The following SLC24A3 variants were observed in gnomAD, a reference collection of about 807,000 sequenced individuals.
The protein encoded by SLC24A3 is solute carrier family 24 member 3, also known as sodium/potassium/calcium exchanger 3.
A neutral mutation model predicts 75.8 loss-of-function variants in SLC24A3; 28 were observed. The ratio of observed to expected loss-of-function variants is 0.37; its 90% CI spans 0.27 to 0.51. The LOEUF is 0.51. SLC24A3 is among the 20% of genes least tolerant of loss of function. The pLI, the probability that SLC24A3 is intolerant of heterozygous loss-of-function variation, is 0.94. For missense variants in SLC24A3, 663 were observed against 847.8 expected (o/e 0.78, Z 2.71); for synonymous variants, 372 against 334.1 (o/e 1.11, Z -1.24).
intron 6 of SLC24A3, among the ~76,000 whole-genome samples, chr20:19,607,172 T>A (rs4239731): frequency 0.92 from 140,260 of 152,130 alleles, 65,303 homozygotes; most frequent in Non-Finnish European, 0.98. Flanking sequence ...CTCCCCATAG[T>A]TCTTTTTCCT....
At chr20:19,465,781 A>G (rs1280290580) in intron 2 of SLC24A3, among the ~76,000 whole-genome samples, 1 of 152,188 alleles carries the variant, frequency 6.6e-6, no homozygotes, top group African/African-American at 2.4e-5. Context: ...ATAGAATCTC[A>G]CGCTACTTTC....
intron 6 of SLC24A3, among the ~76,000 whole-genome samples, chr20:19,598,002 G>A (rs1416121450): frequency 6.6e-6 from 1 of 152,124 alleles, no homozygotes; most frequent in East Asian, 1.9e-4. Flanking sequence ...CTATACCTTT[G>A]CTATTGTGAA....
chr20:19,365,822 T>C (rs1985880198), intron 2 of SLC24A3, among the ~76,000 whole-genome samples: 2 of 152,214 alleles, frequency 1.3e-5, no homozygotes, highest in South Asian at 4.1e-4. Flanking sequence ...ACTTTCTGGT[T>C]CAGGACACTG....
chr20:19,322,344 G>A lies in SLC24A3; in HGVS notation c.271+41257G>A, dbSNP rs989077198. Among the ~76,000 whole-genome samples the A allele has an allele frequency of 2.9e-5, 3 of 103,024 alleles. No homozygotes were observed. In the East Asian group the frequency reaches 7.9e-4, roughly 27 times the overall value. The allele number at this position is 103,024 out of a possible 152,430, so 67.6% of individuals were successfully genotyped here. A position where few individuals can be genotyped will look rare whatever the true frequency, so the allele number is the denominator to read the frequency against. ...GTATCATTATGGATTCATGGATTGA[G>A]CCTTCTTTCCTTCCTTCCTTCCCTT... On this transcript the variant is annotated intron_variant, in intron 2 of 16. Transcript: ENST00000328041.
chr20:19,552,716 C>A (rs1422728860), intron 3 of SLC24A3, among the ~76,000 whole-genome samples: 1 of 152,142 alleles, frequency 6.6e-6, no homozygotes, highest in African/African-American at 2.4e-5. Flanking sequence ...TTTCTGACCC[C>A]TCTTTAAACT....
intron 2 of SLC24A3, among the ~76,000 whole-genome samples, chr20:19,375,773 A>T (rs1986073762): frequency 6.6e-6 from 1 of 152,044 alleles, no homozygotes; most frequent in Non-Finnish European, 1.5e-5. Flanking sequence ...CCTCCCAGGC[A>T]TCCATAGTGG....
At chr20:19,454,750 T>C (rs1987549595) in intron 2 of SLC24A3, among the ~76,000 whole-genome samples, 1 of 152,180 alleles carries the variant, frequency 6.6e-6, no homozygotes, top group African/African-American at 2.4e-5. Context: ...AACCTGCAGA[T>C]GAATGAGATG....
intron 2 of SLC24A3, among the ~76,000 whole-genome samples, chr20:19,315,626 G>C (rs1326872898): frequency 6.6e-6 from 1 of 152,166 alleles, no homozygotes; most frequent in Non-Finnish European, 1.5e-5. Context: ...ATGGAAGCGT[G>C]CACTGCTGTG....
chr20:19,508,070 A>C (rs1217410351), intron 2 of SLC24A3, among the ~76,000 whole-genome samples: 1 of 152,228 alleles, frequency 6.6e-6, no homozygotes, highest in African/African-American at 2.4e-5. Flanking sequence ...GGGACAATGC[A>C]ACTGGGCCAC....
At chr20:19,542,130 T>G (rs2030509745) in intron 3 of SLC24A3, among the ~76,000 whole-genome samples, 1 of 152,180 alleles carries the variant, frequency 6.6e-6, no homozygotes, top group South Asian at 2.1e-4. Context: ...TCAGAGGCAA[T>G]GCCCAGAGGA....
intron 2 of SLC24A3, among the ~76,000 whole-genome samples, chr20:19,316,775 A>G (rs1274880677): frequency 6.6e-6 from 1 of 152,178 alleles, no homozygotes; most frequent in Admixed American, 6.5e-5. Flanking sequence ...AGTGTTCCCA[A>G]TTAACTCTCT....
intron 1 of SLC24A3, among the ~76,000 whole-genome samples, chr20:19,226,052 A>G (rs1208113960): frequency 6.6e-6 from 1 of 152,150 alleles, no homozygotes; most frequent in Non-Finnish European, 1.5e-5. Flanking sequence ...TATTTGCTGT[A>G]GGTTTTTCAT....
At chr20:19,685,974 TGAGAAAA>T (rs2032670748) in intron 12 of SLC24A3, among the ~76,000 whole-genome samples, 1 of 152,194 alleles carries the variant, frequency 6.6e-6, no homozygotes, top group Non-Finnish European at 1.5e-5. Flanking sequence ...GTCCATTTCC[TGAGAAAA>T]GAGCTCAGGG....
chr20:19,295,766 G>T (rs538604135), intron 2 of SLC24A3, among the ~76,000 whole-genome samples: 90 of 152,220 alleles, frequency 5.9e-4, no homozygotes, highest in African/African-American at 2.1e-3. Context: ...GTATTTTATT[G>T]AGGATTTTTG....
At chr20:19,611,850 T>C (rs2031674501) in intron 6 of SLC24A3, among the ~76,000 whole-genome samples, 2 of 152,204 alleles carry the variant, frequency 1.3e-5, no homozygotes, top group South Asian at 4.1e-4. Flanking sequence ...GGCCTCTTCC[T>C]CCTTTACATA....
At chr20:19,566,717 T>C (rs1170200615) in intron 3 of SLC24A3, among the ~76,000 whole-genome samples, 2 of 152,232 alleles carry the variant, frequency 1.3e-5, no homozygotes, top group African/African-American at 4.8e-5. Context: ...TATCTTCCTC[T>C]AGAATCATGC....
At chr20:19,584,046 T>C (rs2031259549) in intron 4 of SLC24A3, among the ~76,000 whole-genome samples, 1 of 152,210 alleles carries the variant, frequency 6.6e-6, no homozygotes, top group Non-Finnish European at 1.5e-5. Flanking sequence ...GAGAAGGATG[T>C]CACTCAAGCT....
intron 2 of SLC24A3, among the ~76,000 whole-genome samples, chr20:19,439,789 C>T (rs1005626206): frequency 5.9e-5 from 9 of 152,138 alleles, no homozygotes; most frequent in South Asian, 2.1e-4. Context: ...CTCGCTGATC[C>T]GAGTGATTGA....
At chr20:19,625,035 C>T (rs1439900236) in intron 6 of SLC24A3, among the ~76,000 whole-genome samples, 1 of 152,154 alleles carries the variant, frequency 6.6e-6, no homozygotes, top group Non-Finnish European at 1.5e-5. Context: ...CTCACATTCT[C>T]CAGCAGGCTA....
Sources: allele counts gnomAD v4.1 joint callset (sites outside exome capture counted in the v4.1 genomes callset), GRCh38; gene constraint gnomAD v4.1.1; transcripts MANE v1.5; gene names NCBI Gene and HGNC (gene_info 2026-07-23, HGNC 2026-07-21).